Variants in RBPMS2 observed in about 807,000 individuals in gnomAD.
The protein encoded by RBPMS2 is RNA binding protein, mRNA processing factor 2.
RBPMS2 carries 14 observed loss-of-function variants against 25.7 expected under a neutral mutation model. That is an observed-to-expected ratio of 0.55 (90% CI 0.36 to 0.85). RBPMS2 has a LOEUF of 0.85. Among genes scored for constraint, RBPMS2 ranks in the 40% least tolerant of loss-of-function variants. The probability of loss-of-function intolerance (pLI) is 0.01; values close to 1 mark genes in which losing one functional copy is unlikely to be tolerated. For synonymous variants in RBPMS2, 127 were observed against 115.6 expected (o/e 1.10, Z -0.63); for missense variants, 252 against 283.4 (o/e 0.89, Z 0.80).
rs1346144424 is a variant in RBPMS2 at position 64,775,360 on chromosome 15, G to A, written c.-41C>T. The A allele has an allele frequency of 1.7e-6, 2 of 1,164,080 alleles. No homozygotes were observed. Among genetic ancestry groups the A allele is most frequent in the Non-Finnish European group, 2.2e-6 (2 of 924,410 alleles). The allele number at this position is 1,164,080 out of a possible 1,614,324, so 72.1% of individuals were successfully genotyped here. The stretch of plus-strand genomic sequence containing the variant: ...GCGGCGGGAAGGAACGCGAGGGCGA[G>A]CGCGGCGCCGGCCCCGCGGGAAGTG... On this transcript the variant is annotated 5_prime_UTR_variant, in exon 1 of 8. Transcript: ENST00000300069.
intron 1 of RBPMS2, among the ~76,000 whole-genome samples, chr15:64,769,690 A>G (rs2083878772): frequency 6.6e-6 from 1 of 152,086 alleles, no homozygotes; most frequent in Non-Finnish European, 1.5e-5. Flanking sequence ...AAATAAAATA[A>G]AACTGGCTTG....
Position 64,775,262 on chromosome 15 carries a change from CGCCGGAGCCGGT to C in RBPMS2, c.46_57del (p.Thr16_Gly19del). ...TCCTCCAGGGCGCCGCCGGAGCCCG[CGCCGGAGCCGGT>C]GCCGGTGCTGCCGCCGTGCTCGCCG... On this transcript the variant is annotated inframe_deletion, in exon 1 of 8. Coordinates refer to ENST00000300069, the MANE Select transcript of RBPMS2 (RefSeq NM_194272.3). The C allele has an allele frequency of 7.5e-7, 1 of 1,339,178 alleles. No homozygotes were observed. The highest frequency in any genetic ancestry group is 9.6e-7 in the Non-Finnish European group (1 of 1,039,114). The allele number at this position is 1,339,178 out of a possible 1,614,324, so 83.0% of individuals were successfully genotyped here.
intron 3 of RBPMS2, among the ~76,000 whole-genome samples, 156 bp downstream of exon 3, chr15:64,750,187 G>C (rs537068966): frequency 1.3e-5 from 2 of 152,290 alleles, no homozygotes; most frequent in South Asian, 2.1e-4. Context: ...AGAGACAGTG[G>C]GACCTACAGA....
intron 6 of RBPMS2, among the ~76,000 whole-genome samples, chr15:64,744,240 T>C (rs919964241): frequency 6.6e-6 from 1 of 151,970 alleles, no homozygotes; most frequent in African/African-American, 2.4e-5. Flanking sequence ...CACCGTGTCA[T>C]AGTTCTAGGA....
At chr15:64,758,298 C>CA (rs907140103) in intron 1 of RBPMS2, among the ~76,000 whole-genome samples, 1 of 152,080 alleles carries the variant, frequency 6.6e-6, no homozygotes, top group Admixed American at 6.6e-5. Flanking sequence ...ACAGCCCTTC[C>CA]AAAAAAGTCA....
intron 4 of RBPMS2, 24 bp from the exon 5 acceptor site, chr15:64,749,174 G>C (rs1464845790): frequency 6.2e-7 from 1 of 1,613,670 alleles, no homozygotes; most frequent in Non-Finnish European, 8.5e-7. Context: ...GAAAAGAAGA[G>C]AAAGGCTTAC....
intron 2 of RBPMS2, among the ~76,000 whole-genome samples, chr15:64,751,154 G>A (rs145747968): frequency 0.019 from 2,887 of 152,168 alleles, 35 homozygotes; most frequent in Non-Finnish European, 0.03. Flanking sequence ...CCAACATGGT[G>A]AAACCCCATC....
At chr15:64,750,288 G>C (rs1204560964) in intron 3 of RBPMS2, 55 bp downstream of exon 3, 32 of 1,502,404 alleles carry the variant, frequency 2.1e-5, no homozygotes, top group Non-Finnish European at 2.8e-5. Flanking sequence ...GCCCTTGTTT[G>C]AAGCTCAGCA....
chr15:64,765,226 CAAAAAAA>C lies in RBPMS2; in HGVS notation c.87+10000_87+10006del, dbSNP rs34231406. Among the ~76,000 whole-genome samples the C allele has an allele frequency of 1.4e-4, 7 of 50,900 alleles. No homozygotes were observed. The South Asian group carries it at 4.8e-3, about 35-fold the overall frequency. 33.4% of individuals were successfully genotyped at this position (50,900 alleles called of 152,430 possible). Reference sequence around the variant, plus strand: ...TAGGCGACAGAGCGAGACTCTGTCTCAAAAAAAAAAAAAAAAAAAAAAAAAGCAAAAA... The same window carrying C: ...TAGGCGACAGAGCGAGACTCTGTCTCAAAAAAAAAAAAAAAAAAGCAAAAA... On this transcript the variant is annotated intron_variant, in intron 1 of 7. Transcript: ENST00000300069.
At chr15:64,741,904 G>T (rs942067137) in intron 6 of RBPMS2, among the ~76,000 whole-genome samples, 1 of 152,152 alleles carries the variant, frequency 6.6e-6, no homozygotes, top group Admixed American at 6.5e-5. Flanking sequence ...AGCGGCTCAC[G>T]CCTGTAATCC....
intron 1 of RBPMS2, among the ~76,000 whole-genome samples, chr15:64,767,861 T>A (rs1046131010): frequency 1.3e-5 from 2 of 151,980 alleles, no homozygotes; most frequent in Admixed American, 6.6e-5. Flanking sequence ...AAGGACGGGG[T>A]TTAATCATGT....
At chr15:64,758,688 C>A (rs550596193) in intron 1 of RBPMS2, among the ~76,000 whole-genome samples, 1 of 152,216 alleles carries the variant, frequency 6.6e-6, no homozygotes, top group African/African-American at 2.4e-5. Flanking sequence ...TTGGAGGCAC[C>A]CAGAGCTGCT....
chr15:64,765,471 C>T (rs2083837911), intron 1 of RBPMS2, among the ~76,000 whole-genome samples: 1 of 150,876 alleles, frequency 6.6e-6, no homozygotes, highest in African/African-American at 2.4e-5. Context: ...CTCAGCTACT[C>T]AGGAGGCTGA....
rs748952790 is a variant in RBPMS2 at position 64,749,008 on chromosome 15, C to T, written c.410G>A (p.Arg137Gln). 1.5e-5 allele frequency: 24 copies of T among 1,614,042 alleles called. No homozygotes were observed. The highest frequency in any genetic ancestry group is 4.4e-5 in the South Asian group (4 of 91,084). ...HPALGAHFIA[R>Q]DPYDLMGAAL... ...CTCAGAGTGCCACTCACAGGGGTCC[C>T]GTGCGATGAAGTGTGCTCCTAGGGC... is the stretch of plus-strand genomic sequence containing the variant. Residue 137 changes from arginine to glutamine, a missense_variant, in exon 5 of 8, where the codon CGG becomes CAG. Transcript: ENST00000300069.
intron 1 of RBPMS2, among the ~76,000 whole-genome samples, chr15:64,752,661 A>T (rs1280788851): frequency 6.6e-6 from 1 of 150,752 alleles, no homozygotes; most frequent in African/African-American, 2.4e-5. Flanking sequence ...CCCGGACTGG[A>T]GTGCAGTGGC....
At chr15:64,757,604 G>C (rs906792890) in intron 1 of RBPMS2, among the ~76,000 whole-genome samples, 6 of 152,142 alleles carry the variant, frequency 3.9e-5, no homozygotes, top group Non-Finnish European at 2.9e-5. Context: ...GCCAAGAACA[G>C]GGTAACAAGG....
At chr15:64,764,058 A>G (rs2083818305) in intron 1 of RBPMS2, among the ~76,000 whole-genome samples, 1 of 152,232 alleles carries the variant, frequency 6.6e-6, no homozygotes, top group South Asian at 2.1e-4. Context: ...ACTCTGTGTC[A>G]GGGCAGGCTG....
intron 1 of RBPMS2, among the ~76,000 whole-genome samples, chr15:64,754,309 C>T (rs1354409716): frequency 6.7e-6 from 1 of 149,908 alleles, no homozygotes; most frequent in Non-Finnish European, 1.5e-5. Flanking sequence ...GAGACTCCAT[C>T]TCAGAAAAAA....
intron 1 of RBPMS2, among the ~76,000 whole-genome samples, chr15:64,764,597 G>A (rs768594191): frequency 2.6e-5 from 4 of 152,310 alleles, no homozygotes; most frequent in Non-Finnish European, 4.4e-5. Flanking sequence ...AGCTGTGCCC[G>A]GATGTATATG....
Sources: allele counts gnomAD v4.1 joint callset (sites outside exome capture counted in the v4.1 genomes callset), GRCh38; gene constraint gnomAD v4.1.1; transcripts MANE v1.5; gene names NCBI Gene and HGNC (gene_info 2026-07-23, HGNC 2026-07-21).